The following LRFN5 variants were observed in gnomAD, a reference collection of about 807,000 sequenced individuals.
The protein encoded by LRFN5 is leucine rich repeat and fibronectin type III domain containing 5, also known as leucine-rich repeat and fibronectin type-III domain-containing protein 5.
A neutral mutation model predicts 45.6 loss-of-function variants in LRFN5; 24 were observed. The observed-to-expected ratio is 0.53, with a 90% CI of 0.38 to 0.74. LRFN5 has a LOEUF of 0.74. Among genes scored for constraint, LRFN5 ranks in the 30% least tolerant of loss-of-function variants. The pLI is 0.00. For synonymous variants in LRFN5, 340 were observed against 313.8 expected, an observed-to-expected ratio of 1.08 and a Z score of -0.88; for missense variants, 776 against 861.5, an observed-to-expected ratio of 0.90 and a Z score of 1.24.
At position 41,839,867 on chromosome 14, in the gene LRFN5, T is replaced by G. The variant is rs79586166; in HGVS notation, c.-20-46739T>G. ...TGCTAAAGCATGCTGTGTGCACATA[T>G]TCATAGCTTTGATAATACAGAGGGG... On this transcript the variant is annotated intron_variant, in intron 2 of 5. Transcript: ENST00000298119. Among the ~76,000 whole-genome samples the G allele has an allele frequency of 3.1e-4, 47 of 152,226 alleles. 1 individual carries two copies. Among genetic ancestry groups the G allele is most frequent in the African/African-American group, 9.1e-4 (38 of 41,564 alleles).
chr14:41,856,675 A>ATTTTTTTTTTTTTTAT (rs1889472785), intron 2 of LRFN5, among the ~76,000 whole-genome samples: 1 of 18,328 alleles, frequency 5.5e-5, no homozygotes, highest in African/African-American at 1.3e-4. Flanking sequence ...TATTATTATT[A>ATTTTTTTTTTTTTTAT]TTTTTTTTTT....
intron 1 of LRFN5, among the ~76,000 whole-genome samples, chr14:41,627,670 G>A (rs150948999): frequency 2.0e-5 from 3 of 152,198 alleles, no homozygotes; most frequent in Admixed American, 6.5e-5. Flanking sequence ...CAACATGGTC[G>A]AATATATAGA....
At chr14:41,658,094 A>G (rs1178940614) in intron 1 of LRFN5, among the ~76,000 whole-genome samples, 6 of 151,998 alleles carry the variant, frequency 3.9e-5, no homozygotes, top group African/African-American at 1.4e-4. Flanking sequence ...CTAAAATATG[A>G]TTTTTTTGAA....
chr14:41,692,209 T>G (rs566113232), intron 1 of LRFN5, among the ~76,000 whole-genome samples: 1 of 152,138 alleles, frequency 6.6e-6, no homozygotes, highest in Non-Finnish European at 1.5e-5. Flanking sequence ...AAAAGTGTTA[T>G]TTGCTCCACA....
At chr14:41,634,295 G>A (rs1566596788) in intron 1 of LRFN5, among the ~76,000 whole-genome samples, 1 of 151,942 alleles carries the variant, frequency 6.6e-6, no homozygotes, top group Non-Finnish European at 1.5e-5. Context: ...TAATATATTG[G>A]AAGCCATACT....
chr14:41,810,649 T>C (rs1328361479), intron 2 of LRFN5, among the ~76,000 whole-genome samples: 11 of 152,128 alleles, frequency 7.2e-5, no homozygotes. Flanking sequence ...AATGAAATAC[T>C]ATTTTAAAGG....
intron 2 of LRFN5, among the ~76,000 whole-genome samples, chr14:41,767,571 T>C (rs946260875): frequency 2.0e-5 from 3 of 152,268 alleles, no homozygotes; most frequent in Admixed American, 1.3e-4. Context: ...ATCTGGGTCA[T>C]TCAAGGAGAG....
At chr14:41,832,644 T>C (rs1438653040) in intron 2 of LRFN5, among the ~76,000 whole-genome samples, 3 of 152,154 alleles carry the variant, frequency 2.0e-5, no homozygotes, top group Non-Finnish European at 4.4e-5. Context: ...GCATTAACCT[T>C]ATATTCGCTA....
At chr14:41,841,075 T>C (rs1303481778) in intron 2 of LRFN5, among the ~76,000 whole-genome samples, 8 of 150,956 alleles carry the variant, frequency 5.3e-5, no homozygotes, top group African/African-American at 9.7e-5. Flanking sequence ...TGTAGCAATA[T>C]GGAAAAAAAA....
chr14:41,817,903 G>T (rs989046911), intron 2 of LRFN5, among the ~76,000 whole-genome samples: 3 of 152,066 alleles, frequency 2.0e-5, no homozygotes, highest in African/African-American at 7.2e-5. Flanking sequence ...TTCCTTCTGA[G>T]GTTTGTGGGC....
rs192072721 is a variant in LRFN5, at chr14:41,710,740, G to A, written c.-196-56114G>A. On this transcript the variant is annotated intron_variant, in intron 1 of 5. Coordinates refer to ENST00000298119, the MANE Select transcript of LRFN5 (RefSeq NM_152447.5). ...ACCCATTAACTCGTCATTTACATTAGGTATATCTCCTAATGTTATCCCTCC... is the reference window on the plus strand; with the variant it reads ...ACCCATTAACTCGTCATTTACATTAAGTATATCTCCTAATGTTATCCCTCC... Among the ~76,000 whole-genome samples the A allele has an allele frequency of 4.6e-5, 7 of 152,108 alleles. No individual in the cohort carries two copies. In the East Asian group the frequency reaches 1.4e-3, roughly 29 times the overall value.
intron 1 of LRFN5, among the ~76,000 whole-genome samples, chr14:41,671,567 T>G (rs1397250563): frequency 6.7e-6 from 1 of 148,660 alleles, no homozygotes; most frequent in South Asian, 2.2e-4. Context: ...GCTCAAGAAC[T>G]TCCAATAGCT....
At chr14:41,623,287 A>T (rs1206113140) in intron 1 of LRFN5, among the ~76,000 whole-genome samples, 1 of 152,030 alleles carries the variant, frequency 6.6e-6, no homozygotes, top group Admixed American at 6.6e-5. Flanking sequence ...GAAGTCCCAT[A>T]CCTGCCACCT....
At chr14:41,795,198 T>C (rs961437506) in intron 2 of LRFN5, among the ~76,000 whole-genome samples, 2 of 151,976 alleles carry the variant, frequency 1.3e-5, no homozygotes, top group Admixed American at 6.6e-5. Flanking sequence ...GCTGGCCATC[T>C]AAGAAATGCA....
chr14:41,794,715 G>C (rs1887056803), intron 2 of LRFN5, among the ~76,000 whole-genome samples: 1 of 151,904 alleles, frequency 6.6e-6, no homozygotes, highest in South Asian at 2.1e-4. Context: ...TTAATAATAA[G>C]AATATATGGT....
At chr14:41,859,920 C>G (rs1889604042) in intron 2 of LRFN5, among the ~76,000 whole-genome samples, 1 of 152,174 alleles carries the variant, frequency 6.6e-6, no homozygotes, top group Non-Finnish European at 1.5e-5. Context: ...AATCACTATA[C>G]CCTTCTTTCT....
rs531974294 is a variant in LRFN5, at chr14:41,638,697, T to A, written c.-197+30135T>A. On this transcript the variant is annotated intron_variant, in intron 1 of 5. Transcript: ENST00000298119. ...AATTTTAGCCAATTCAATGAATAGA[T>A]GCTAGTTTTAAAATTAATGTAACCT... 4.9e-4 allele frequency among the ~76,000 whole-genome samples: 75 copies of A among 152,258 alleles called. 1 individual carries two copies. Among genetic ancestry groups the A allele is most frequent in the Non-Finnish European group, 8.5e-4 (58 of 68,006 alleles).
chr14:41,795,985 A>C (rs7157712), intron 2 of LRFN5, among the ~76,000 whole-genome samples: 19,065 of 151,884 alleles, frequency 0.13, 1,281 homozygotes, highest in East Asian at 0.22. Context: ...CCTTAAAGAC[A>C]CTTTTTATCT....
chr14:41,837,009 G>A (rs920152964), intron 2 of LRFN5, among the ~76,000 whole-genome samples: 2 of 151,866 alleles, frequency 1.3e-5, no homozygotes, highest in Admixed American at 6.6e-5. Flanking sequence ...ACTAAGCTTG[G>A]GTGGTTTTGC....
Sources: allele counts gnomAD v4.1 joint callset (sites outside exome capture counted in the v4.1 genomes callset), GRCh38; gene constraint gnomAD v4.1.1; transcripts MANE v1.5; gene names NCBI Gene and HGNC (gene_info 2026-07-23, HGNC 2026-07-21).